Variants in CFAP299 observed in about 807,000 individuals in gnomAD.
CFAP299 encodes the protein cilia and flagella associated protein 299.
A neutral mutation model predicts 27.0 loss-of-function variants in CFAP299; 21 were observed. The observed-to-expected ratio is 0.78, with a 90% CI of 0.55 to 1.12. CFAP299 has a LOEUF of 1.12. CFAP299 is among the 50% of genes most tolerant of loss of function. The pLI, the probability that CFAP299 is intolerant of heterozygous loss-of-function variation, is 0.00. For synonymous variants in CFAP299, 104 were observed against 98.1 expected, an observed-to-expected ratio of 1.06 and a Z score of -0.36; for missense variants, 310 against 276.6, an observed-to-expected ratio of 1.12 and a Z score of -0.86.
At chr4:80,705,920 G>C (rs945162907) in intron 3 of CFAP299, among the ~76,000 whole-genome samples, 3 of 151,788 alleles carry the variant, frequency 2.0e-5, no homozygotes, top group Admixed American at 2.0e-4. Context: ...AAAAAATAAT[G>C]AGTGTGTTTT....
intron 3 of CFAP299, among the ~76,000 whole-genome samples, chr4:80,821,814 C>G (rs908378546): frequency 6.6e-6 from 1 of 152,072 alleles, no homozygotes; most frequent in Non-Finnish European, 1.5e-5. Flanking sequence ...AGAGTACTCA[C>G]AGTGCAGGAT....
chr4:80,782,617 T>C (rs1726960428), intron 3 of CFAP299, among the ~76,000 whole-genome samples: 1 of 105,468 alleles, frequency 9.5e-6, no homozygotes, highest in South Asian at 2.4e-4. Context: ...TATATTAATA[T>C]ATAATATATT....
At chr4:80,728,419 T>C (rs1262840372) in intron 3 of CFAP299, among the ~76,000 whole-genome samples, 1 of 152,186 alleles carries the variant, frequency 6.6e-6, no homozygotes, top group African/African-American at 2.4e-5. Flanking sequence ...TAAAAAACAA[T>C]ACTTTTTCCT....
At chr4:80,491,981 C>A (rs544793035) in intron 2 of CFAP299, among the ~76,000 whole-genome samples, 80 of 152,246 alleles carry the variant, frequency 5.3e-4, no homozygotes, top group Admixed American at 1.5e-3. Context: ...TAAGGGCAGC[C>A]ACTATAAGAC....
At chr4:80,382,579 G>GA (rs765473435) in intron 2 of CFAP299, among the ~76,000 whole-genome samples, 2 of 151,890 alleles carry the variant, frequency 1.3e-5, no homozygotes, top group African/African-American at 2.4e-5. Flanking sequence ...ACAAGGATAT[G>GA]AAAAAAGGCT....
chr4:80,470,362 T>G (rs1455164026), intron 2 of CFAP299, among the ~76,000 whole-genome samples: 1 of 152,210 alleles, frequency 6.6e-6, no homozygotes, highest in African/African-American at 2.4e-5. Flanking sequence ...TCTCGTTTTC[T>G]TTCTTATGTT....
chr4:80,829,508 C>A (rs1309046697), intron 3 of CFAP299, among the ~76,000 whole-genome samples: 2 of 151,958 alleles, frequency 1.3e-5, no homozygotes. Flanking sequence ...TTGTAGAAAC[C>A]AGTATGGCAT....
Position 80,628,039 on chromosome 4 carries a change from CAAG to C in CFAP299, c.333+44865_333+44867del, listed in dbSNP as rs557227134. On this transcript the variant is annotated intron_variant, in intron 3 of 5. Transcript: ENST00000358105. ...TCCTGAAAAGCCAAAGCATTTTGAA[CAAG>C]AAGAAGAAAGCTAAAGACATTACAC... Among the ~76,000 whole-genome samples, 365 of 151,936 alleles carry C rather than the reference CAAG, an allele frequency of 2.4e-3. 3 individuals are homozygous for C. Among genetic ancestry groups the C allele is most frequent in the African/African-American group, 8.2e-3 (339 of 41,470 alleles).
At position 80,387,314 on chromosome 4, in the gene CFAP299, G is replaced by A. The variant is rs1321974310; in HGVS notation, c.242+24430G>A. 33 of 1,608,090 alleles carry A rather than the reference G, an allele frequency of 2.1e-5. No homozygotes were observed. The East Asian group carries it at 5.8e-4, about 28-fold the overall frequency. ...CAGAAATGTGTCGAGCTTTGGGAACGTTTGGGCACAGCTTTTGACCACACA... is the reference window on the plus strand; with the variant it reads ...CAGAAATGTGTCGAGCTTTGGGAACATTTGGGCACAGCTTTTGACCACACA... On this transcript the variant is annotated intron_variant, in intron 2 of 5. Coordinates refer to ENST00000358105, the MANE Select transcript of CFAP299 (RefSeq NM_152770.3).
intron 3 of CFAP299, among the ~76,000 whole-genome samples, chr4:80,631,315 T>A (rs991883828): frequency 4.6e-5 from 7 of 152,188 alleles, no homozygotes; most frequent in Admixed American, 2.0e-4. Flanking sequence ...AAATATGTAT[T>A]TGGCTGATAA....
intron 2 of CFAP299, among the ~76,000 whole-genome samples, chr4:80,577,470 T>G (rs998623500): frequency 3.4e-5 from 5 of 148,292 alleles, no homozygotes; most frequent in Non-Finnish European, 7.4e-5. Context: ...TGGTATGATC[T>G]TGGTTCACTG....
intron 2 of CFAP299, among the ~76,000 whole-genome samples, chr4:80,501,267 C>A (rs1248101731): frequency 1.3e-5 from 2 of 151,576 alleles, no homozygotes; most frequent in Non-Finnish European, 2.9e-5. Flanking sequence ...ACAAAAATAT[C>A]AAAAATGGAA....
chr4:80,904,820 C>G (rs1448373681), intron 4 of CFAP299, among the ~76,000 whole-genome samples: 1 of 152,128 alleles, frequency 6.6e-6, no homozygotes, highest in Non-Finnish European at 1.5e-5. Context: ...AATGTTTGGT[C>G]AAACTGGTAT....
At chr4:80,493,278 G>T (rs1261533868) in intron 2 of CFAP299, among the ~76,000 whole-genome samples, 1 of 152,102 alleles carries the variant, frequency 6.6e-6, no homozygotes, top group Non-Finnish European at 1.5e-5. Flanking sequence ...TCTGTAGAAG[G>T]GTGCACACTC....
At chr4:80,356,476 G>GT (rs1300623408) in intron 1 of CFAP299, among the ~76,000 whole-genome samples, 1 of 152,150 alleles carries the variant, frequency 6.6e-6, no homozygotes. Flanking sequence ...AGCATGAAGT[G>GT]TTTTTCCGTC....
chr4:80,538,707 T>C (rs1733864744), intron 2 of CFAP299, among the ~76,000 whole-genome samples: 1 of 152,198 alleles, frequency 6.6e-6, no homozygotes, highest in South Asian at 2.1e-4. Context: ...AGAAACAGGC[T>C]ATACCCTGTA....
chr4:80,939,515 TTC>T (rs1479319784), intron 4 of CFAP299, among the ~76,000 whole-genome samples: 5 of 152,142 alleles, frequency 3.3e-5, no homozygotes, highest in African/African-American at 1.2e-4. Context: ...TGATTTCTAG[TTC>T]TTTGTTGAAT....
At position 80,456,896 on chromosome 4, in the gene CFAP299, G is replaced by T. The variant is rs144524364; in HGVS notation, c.242+94012G>T. On this transcript the variant is annotated intron_variant, in intron 2 of 5. Transcript: ENST00000358105. Reference sequence around the variant, plus strand: ...GAGCTAACTGGCAGAGCTAGAGATGGTTTAGCCAGGAAGACAAAGGCTACG... The same window carrying T: ...GAGCTAACTGGCAGAGCTAGAGATGTTTTAGCCAGGAAGACAAAGGCTACG... 7.9e-5 allele frequency among the ~76,000 whole-genome samples: 12 copies of T among 152,188 alleles called. No individual in the cohort carries two copies. The East Asian group carries it at 2.3e-3, about 29-fold the overall frequency.
chr4:80,831,948 CAT>C lies in CFAP299; in HGVS notation c.334-38044_334-38043del, dbSNP rs1361273633. 2.6e-5 allele frequency among the ~76,000 whole-genome samples: 4 copies of C among 152,132 alleles called. No individual in the cohort carries two copies. In the East Asian group the frequency reaches 7.7e-4, roughly 29 times the overall value. On this transcript the variant is annotated intron_variant, in intron 3 of 5. Coordinates refer to ENST00000358105, the MANE Select transcript of CFAP299 (RefSeq NM_152770.3). ...GTTAATGATGTTCCAAACAATTTTT[CAT>C]GTCAGAACTATACTATGCCATTCAT... is the stretch of plus-strand genomic sequence containing the variant.
Sources: allele counts gnomAD v4.1 joint callset (sites outside exome capture counted in the v4.1 genomes callset), GRCh38; gene constraint gnomAD v4.1.1; transcripts MANE v1.5; gene names NCBI Gene and HGNC (gene_info 2026-07-23, HGNC 2026-07-21).